CMIP: variants seen among roughly 807,000 people sequenced by gnomAD.
The protein encoded by CMIP is C-Maf-inducing protein.
A neutral mutation model predicts 97.3 loss-of-function variants in CMIP; 13 were observed. The ratio of observed to expected loss-of-function variants is 0.13; its 90% CI spans 0.09 to 0.21. The LOEUF is 0.21. Ranked by LOEUF, CMIP falls within the 10% of genes least tolerant of loss-of-function variation. The pLI, the probability that CMIP is intolerant of heterozygous loss-of-function variation, is 1.00. For synonymous variants in CMIP, 538 were observed against 436.3 expected, an observed-to-expected ratio of 1.23 and a Z score of -2.91; for missense variants, 847 against 1,024.9, an observed-to-expected ratio of 0.83 and a Z score of 2.37.
intron 1 of CMIP, among the ~76,000 whole-genome samples, chr16:81,532,218 C>T (rs761026027): frequency 1.4e-4 from 22 of 152,324 alleles, no homozygotes; most frequent in Middle Eastern, 6.8e-3. Context: ...CGTATCTTCA[C>T]GCTGGCCACG....
chr16:81,519,323 A>G (rs1346267999), intron 1 of CMIP: 1 of 152,262 alleles, frequency 6.6e-6, no homozygotes, highest in Non-Finnish European at 1.5e-5. Context: ...CACAAAAAGT[A>G]AAATCCCTGT....
In CMIP at chr16:81,689,112, C is replaced by G. The variant is rs367627878; in HGVS notation, c.1389-2663C>G. Among the ~76,000 whole-genome samples, 9 of 152,270 alleles carry G rather than the reference C, an allele frequency of 5.9e-5. No homozygotes were observed. The East Asian group carries it at 1.7e-3, about 29-fold the overall frequency. The stretch of plus-strand genomic sequence containing the variant: ...TTGCTATTGTGAATAGTGCTGCAAT[C>G]AATATACATGTGCATGTGTCTTTAT... On this transcript the variant is annotated intron_variant, in intron 10 of 20. Coordinates refer to ENST00000537098, the MANE Select transcript of CMIP (RefSeq NM_198390.3).
chr16:81,657,264 T>C (rs1399917506), intron 4 of CMIP, among the ~76,000 whole-genome samples: 1 of 152,184 alleles, frequency 6.6e-6, no homozygotes, highest in Non-Finnish European at 1.5e-5. Flanking sequence ...TCGGGCCCAC[T>C]CACGGAACTT....
Position 81,540,185 on chromosome 16 carries a change from T to C in CMIP, c.301-67382T>C, listed in dbSNP as rs141200739. On this transcript the variant is annotated intron_variant, in intron 1 of 20. Transcript: ENST00000537098. ...AAAGTACTTGCTCACCAGGGCAGCT[T>C]AGTGACCAGCATCGCTGGCCTTTTT... Among the ~76,000 whole-genome samples, 326 of 152,318 alleles carry C rather than the reference T, an allele frequency of 2.1e-3. 1 individual carries two copies. The highest frequency in any genetic ancestry group is 3.4e-3 in the Non-Finnish European group (234 of 68,002).
At chr16:81,690,168 G>C (rs1471475559) in intron 10 of CMIP, among the ~76,000 whole-genome samples, 1 of 152,196 alleles carries the variant, frequency 6.6e-6, no homozygotes, top group East Asian at 1.9e-4. Flanking sequence ...GAACTTTAAA[G>C]TAGTTTTTTC....
chr16:81,500,272 GTCCTTCCT>G lies in CMIP; in HGVS notation c.300+54756_300+54763del, dbSNP rs143054986. Among the ~76,000 whole-genome samples, 20 of 64,836 alleles carry G rather than the reference GTCCTTCCT, an allele frequency of 3.1e-4. No individual in the cohort carries two copies. The South Asian group carries it at 4.0e-3, about 13-fold the overall frequency. The allele number at this position is 64,836 out of a possible 152,430, so 42.5% of individuals were successfully genotyped here. A position where few individuals can be genotyped will look rare whatever the true frequency, so the allele number is the denominator to read the frequency against. On this transcript the variant is annotated intron_variant, in intron 1 of 20. Coordinates refer to ENST00000537098, the MANE Select transcript of CMIP (RefSeq NM_198390.3). ...CTTCCTTCCGTCCTTCCTTCCTTCC[GTCCTTCCT>G]TCCTTCCTTCCTTCCTTCCTTCCTG...
chr16:81,565,132 A>C (rs2090956195), intron 1 of CMIP, among the ~76,000 whole-genome samples: 1 of 152,050 alleles, frequency 6.6e-6, no homozygotes, highest in South Asian at 2.1e-4. Context: ...TGGCATGGTA[A>C]CCATGGCATT....
At chr16:81,474,370 TC>T (rs1482440711) in intron 1 of CMIP, among the ~76,000 whole-genome samples, 1 of 151,844 alleles carries the variant, frequency 6.6e-6, no homozygotes, top group Admixed American at 6.6e-5. Flanking sequence ...ATTCCTCCCT[TC>T]CCCCTTCCTT....
intron 14 of CMIP, chr16:81,697,646 C>T (rs1175636765): frequency 1.3e-5 from 2 of 152,250 alleles, no homozygotes; most frequent in Non-Finnish European, 2.9e-5. Flanking sequence ...ATGCACGGCG[C>T]CCGGCGGGCC....
chr16:81,564,937 C>T (rs1169632248), intron 1 of CMIP, among the ~76,000 whole-genome samples: 1 of 151,298 alleles, frequency 6.6e-6, no homozygotes, highest in Non-Finnish European at 1.5e-5. Flanking sequence ...CGACTGTATG[C>T]AGGTGGGAGG....
intron 1 of CMIP, among the ~76,000 whole-genome samples, chr16:81,593,746 C>T (rs1405266107): frequency 2.6e-5 from 4 of 152,184 alleles, no homozygotes; most frequent in Admixed American, 2.6e-4. Flanking sequence ...TAGCCTCTCC[C>T]ATCTGCTTTC....
At chr16:81,576,070 A>G (rs963129484) in intron 1 of CMIP, among the ~76,000 whole-genome samples, 1 of 152,182 alleles carries the variant, frequency 6.6e-6, no homozygotes, top group African/African-American at 2.4e-5. Context: ...GATCTGAGAT[A>G]TCTTGTAAGA....
chr16:81,644,852 C>A (rs1183808949), intron 3 of CMIP, among the ~76,000 whole-genome samples: 3 of 152,154 alleles, frequency 2.0e-5, no homozygotes, highest in African/African-American at 7.2e-5. Flanking sequence ...GGGGGTCTCC[C>A]ATGGGAGGAG....
chr16:81,481,449 G>T (rs1257594137), intron 1 of CMIP, among the ~76,000 whole-genome samples: 2 of 152,200 alleles, frequency 1.3e-5, no homozygotes, highest in Admixed American at 1.3e-4. Flanking sequence ...GACTGAAATT[G>T]AATGTGAGCT....
chr16:81,454,195 A>G (rs1312154784), intron 1 of CMIP, among the ~76,000 whole-genome samples: 1 of 152,212 alleles, frequency 6.6e-6, no homozygotes, highest in Non-Finnish European at 1.5e-5. Context: ...TCCTGGTTGC[A>G]ACGATATTTA....
intron 1 of CMIP, among the ~76,000 whole-genome samples, chr16:81,582,923 C>T (rs2091320377): frequency 6.6e-6 from 1 of 152,166 alleles, no homozygotes; most frequent in Non-Finnish European, 1.5e-5. Context: ...AGCAGCTCTC[C>T]ACTGCTTCAG....
chr16:81,709,804 C>T lies in CMIP; in HGVS notation c.*5C>T. On this transcript the variant is annotated 3_prime_UTR_variant, in exon 21 of 21. Transcript: ENST00000537098. Reference sequence around the variant, plus strand: ...CGCTACACCGAAGCCTGGTGAAGCTCCCAGCTCAAGGCAGGAAGACGTTTG... The same window carrying T: ...CGCTACACCGAAGCCTGGTGAAGCTTCCAGCTCAAGGCAGGAAGACGTTTG... 1 of 1,613,822 alleles carries T rather than the reference C, an allele frequency of 6.2e-7. No individual in the cohort carries two copies. Among genetic ancestry groups the T allele is most frequent in the Non-Finnish European group, 8.5e-7 (1 of 1,179,794 alleles).
chr16:81,657,731 C>G, intron 4 of CMIP, 44 bp from the exon 5 acceptor site: 1 of 1,501,824 alleles, frequency 6.7e-7, no homozygotes, highest in Non-Finnish European at 9.0e-7. Flanking sequence ...TCTTAATTTT[C>G]TTTTGTTTTG....
chr16:81,651,544 C>T (rs929997020), intron 3 of CMIP: 2 of 191,674 alleles, frequency 1.0e-5, no homozygotes, highest in Admixed American at 6.5e-5. Flanking sequence ...GGCCTTAATC[C>T]TGTCTGTCAT....
Sources: gnomAD v4.1 joint callset for allele counts (sites outside exome capture counted in the v4.1 genomes callset) on GRCh38, gnomAD v4.1.1 for gene constraint, MANE v1.5 for transcripts, NCBI Gene and HGNC (gene_info 2026-07-23, HGNC 2026-07-21) for gene names.